Variants in ZMYM2 observed in about 807,000 individuals in gnomAD.
ZMYM2 encodes zinc finger MYM-type containing 2, also known as zinc finger MYM-type protein 2.
In ZMYM2, 56 loss-of-function variants were observed where a neutral mutation model predicts 162.8. The ratio of observed to expected loss-of-function variants is 0.34; its 90% CI spans 0.28 to 0.43. ZMYM2 has a LOEUF of 0.43. ZMYM2 is among the 20% of genes least tolerant of loss of function. ZMYM2 has a pLI of 1.00. For missense variants in ZMYM2, 1,275 were observed against 1,621.8 expected (o/e 0.79, Z 3.67); for synonymous variants, 510 against 541.6 (o/e 0.94, Z 0.81).
At chr13:20,002,719 T>C in intron 3 of ZMYM2, 131 bp from the exon 4 acceptor site, 1 of 1,150,996 alleles carries the variant, frequency 8.7e-7, no homozygotes, top group Non-Finnish European at 1.2e-6. Context: ...TATACCTCTC[T>C]GCTATGTTGC....
chr13:19,985,751 C>T (rs922002741), intron 2 of ZMYM2, among the ~76,000 whole-genome samples: 2 of 151,864 alleles, frequency 1.3e-5, no homozygotes, highest in African/African-American at 4.8e-5. Flanking sequence ...TGGCACGTGC[C>T]TGTAGTCCCA....
At chr13:20,034,453 T>C in intron 11 of ZMYM2, 49 bp downstream of exon 11, 1 of 1,398,004 alleles carries the variant, frequency 7.2e-7, no homozygotes, top group East Asian at 2.6e-5. Flanking sequence ...ATATTTAATG[T>C]TTTTTGCCAA....
At chr13:20,069,722 A>G (rs912779522) in intron 21 of ZMYM2, among the ~76,000 whole-genome samples, 2 of 152,016 alleles carry the variant, frequency 1.3e-5, no homozygotes, top group African/African-American at 4.8e-5. Flanking sequence ...ATGTGCAGAT[A>G]TATTGGTGAT....
the ZMYM2 span, among the ~76,000 whole-genome samples, chr13:19,907,658 A>T: frequency 1.4e-5 from 2 of 143,688 alleles, no homozygotes; most frequent in East Asian, 4.5e-4. Context: ...GTTACTCGGG[A>T]GGCTGAGGCA....
chr13:19,955,138 AATTATTATTATTATT>A (rs58375933), upstream of ZMYM2, among the ~76,000 whole-genome samples: 2 of 149,658 alleles, frequency 1.3e-5, no homozygotes, highest in Non-Finnish European at 3.0e-5. Context: ...TAGTTACTGC[AATTATTATTATTATT>A]ATTATTATTA....
chr13:19,870,343 G>A, the ZMYM2 span, among the ~76,000 whole-genome samples: 1 of 151,846 alleles, frequency 6.6e-6, no homozygotes, highest in African/African-American at 2.4e-5. Flanking sequence ...TTTTGTAGTT[G>A]CCCAGGCTGG....
intron 21 of ZMYM2, among the ~76,000 whole-genome samples, chr13:20,073,762 C>T (rs761470251): frequency 5.9e-5 from 9 of 152,014 alleles, no homozygotes; most frequent in East Asian, 1.9e-4. Context: ...ACTTCAATAC[C>T]GTTAAGAGGT....
chr13:19,993,663 G>T lies in ZMYM2; in HGVS notation c.591G>T (p.Val197=). 1 of 1,614,022 alleles carries T rather than the reference G, an allele frequency of 6.2e-7. No individual in the cohort carries two copies. Among genetic ancestry groups the T allele is most frequent in the South Asian group, 1.1e-5 (1 of 91,086 alleles). Residue 197 remains valine (V), a synonymous_variant, in exon 3 of 25, where the codon GTG becomes GTT. Coordinates refer to ENST00000610343, the MANE Select transcript of ZMYM2 (RefSeq NM_197968.4). ...CTTTAGAAACAGGTGTAAGCTCTGT[G>T]AATGATGGCCAATTAGAAAATACTG... The part of the protein sequence containing the change: ...VTTLETGVSS[V]NDGQLENTDG...
At chr13:19,973,136 T>G (rs1163780184) in intron 2 of ZMYM2, among the ~76,000 whole-genome samples, 3 of 151,780 alleles carry the variant, frequency 2.0e-5, no homozygotes, top group African/African-American at 7.2e-5. Flanking sequence ...GGGGTTTCAC[T>G]GTGTTGGCCA....
intron 2 of ZMYM2, 76 bp from the exon 3 acceptor site, chr13:19,992,987 T>G: frequency 6.9e-7 from 1 of 1,458,182 alleles, no homozygotes; most frequent in South Asian, 1.5e-5. Context: ...AAGTACCCTT[T>G]AAATCAATGG....
the ZMYM2 span, among the ~76,000 whole-genome samples, chr13:19,875,894 G>T: frequency 1.3e-5 from 2 of 152,168 alleles, no homozygotes; most frequent in African/African-American, 4.8e-5. Flanking sequence ...TTTGGGTGAC[G>T]TGAAGGTTCA....
intron 14 of ZMYM2, among the ~76,000 whole-genome samples, chr13:20,055,449 G>T (rs1043320021): frequency 3.3e-5 from 5 of 152,078 alleles, no homozygotes; most frequent in Admixed American, 2.6e-4. Context: ...TAGTGTCAGG[G>T]TGTTTTGTTT....
chr13:20,046,631 GTATA>G (rs1566388151), intron 12 of ZMYM2, among the ~76,000 whole-genome samples: 2 of 144,558 alleles, frequency 1.4e-5, no homozygotes, highest in African/African-American at 5.2e-5. Context: ...ATATATATGT[GTATA>G]TATATGTGTA....
the ZMYM2 span, among the ~76,000 whole-genome samples, chr13:19,877,652 AT>A: frequency 6.6e-6 from 1 of 152,300 alleles, no homozygotes; most frequent in East Asian, 1.9e-4. Context: ...TGTATTTTTC[AT>A]TTTGTGACTG....
intron 2 of ZMYM2, chr13:19,965,226 A>ATG: frequency 7.7e-7 from 1 of 1,293,758 alleles, no homozygotes. Context: ...ATAGCCATAC[A>ATG]TGTGTATATT....
chr13:19,975,205 A>G (rs576573993), intron 2 of ZMYM2, among the ~76,000 whole-genome samples: 21 of 152,026 alleles, frequency 1.4e-4, no homozygotes, highest in Non-Finnish European at 2.8e-4. Context: ...ATAGTAACAT[A>G]AGACCATTTT....
At chr13:19,986,890 G>A (rs1949191994) in intron 2 of ZMYM2, among the ~76,000 whole-genome samples, 1 of 151,972 alleles carries the variant, frequency 6.6e-6, no homozygotes, top group South Asian at 2.1e-4. Flanking sequence ...ATCACTTGAA[G>A]TCAGGAGTTC....
the ZMYM2 span, among the ~76,000 whole-genome samples, chr13:19,898,932 CT>C: frequency 8.7e-3 from 1,166 of 134,490 alleles, 11 homozygotes; most frequent in African/African-American, 0.02. Flanking sequence ...GACCCCACTT[CT>C]TTTTTTTTTT....
At chr13:19,883,967 G>A in the ZMYM2 span, among the ~76,000 whole-genome samples, 2 of 152,190 alleles carry the variant, frequency 1.3e-5, no homozygotes, top group South Asian at 2.1e-4. Flanking sequence ...ATGTTGCGCA[G>A]AATGGTCTCA....
Sources: gnomAD v4.1 joint callset for allele counts (sites outside exome capture counted in the v4.1 genomes callset) on GRCh38, gnomAD v4.1.1 for gene constraint, MANE v1.5 for transcripts, NCBI Gene and HGNC (gene_info 2026-07-23, HGNC 2026-07-21) for gene names.